CEP295: variants seen among roughly 807,000 people sequenced by gnomAD.
CEP295 encodes the protein centrosomal protein of 295 kDa.
A neutral mutation model predicts 291.6 loss-of-function variants in CEP295; 190 were observed. The observed-to-expected ratio is 0.65, with a 90% confidence interval of 0.58 to 0.73. CEP295 has a LOEUF of 0.73. Ranked by LOEUF, CEP295 falls within the 30% of genes least tolerant of loss-of-function variation. The probability of loss-of-function intolerance (pLI) is 0.00; values close to 1 mark genes in which losing one functional copy is unlikely to be tolerated. For missense variants in CEP295, 2,863 were observed against 2,949.4 expected, an observed-to-expected ratio of 0.97 and a Z score of 0.68; for synonymous variants, 993 against 1,038.8, an observed-to-expected ratio of 0.96 and a Z score of 0.85.
chr11:93,699,201 C>T lies in CEP295; in HGVS notation c.4289C>T (p.Ser1430Leu). Residue 1430 changes from serine to leucine, a missense_variant, in exon 15 of 30, where the codon TCA (serine) becomes TTA (leucine). This residue lies in a region of CEP295 where 2,295 missense variants were observed against 2,335.7 expected (regional missense o/e 0.98). Coordinates refer to ENST00000325212, the MANE Select transcript of CEP295 (RefSeq NM_033395.2). ...ATTAACAGTGATAATATAGTATCCT[C>T]AGGTCACTCAGAGATACCAACATTG... ...CSINSDNIVS[S>L]GHSEIPTLPD... The T allele has an allele frequency of 6.4e-7, 1 of 1,551,866 alleles. No individual in the cohort carries two copies. The highest frequency in any genetic ancestry group is 8.7e-7 in the Non-Finnish European group (1 of 1,147,004).
Position 93,727,384 on chromosome 11 carries a change from A to C in CEP295, c.6908A>C (p.Lys2303Thr), listed in dbSNP as rs1159569742. The C allele has an allele frequency of 1.3e-6, 2 of 1,551,568 alleles. No homozygotes were observed. The highest frequency in any genetic ancestry group is 3.9e-5 in the Admixed American group (2 of 50,974). ...LQSQGLIEDN[K>T]NETCRVLDIN... ...AGTCAAGGACTCATTGAAGATAATA[A>C]AAATGAAACCTGTAGGGTTTTAGAC... The change falls in exon 24 of 30, where the codon AAA becomes ACA. Residue 2303 changes from lysine (K) to threonine (T), a missense_variant. Coordinates refer to ENST00000325212, the MANE Select transcript of CEP295 (RefSeq NM_033395.2).
At chr11:93,715,523 T>C (rs915161791) in intron 18 of CEP295, among the ~76,000 whole-genome samples, 1 of 152,108 alleles carries the variant, frequency 6.6e-6, no homozygotes, top group African/African-American at 2.4e-5. Flanking sequence ...CAAAGTCCCC[T>C]TTATTCTTCC....
rs554629390 is a variant in CEP295, at chr11:93,676,873, A to G, written c.624+1207A>G. On this transcript the variant is annotated intron_variant, in intron 6 of 29. Coordinates refer to ENST00000325212, the MANE Select transcript of CEP295 (RefSeq NM_033395.2). ...CCTCCTTTTCAATTTTTGGACTTAA[A>G]AATTAGATCAGTAGTTATAATGATA... Among the ~76,000 whole-genome samples the G allele has an allele frequency of 6.6e-5, 10 of 152,106 alleles. No homozygotes were observed. The South Asian group carries it at 2.1e-3, about 32-fold the overall frequency.
At chr11:93,728,493 A>G (rs368908159) in intron 24 of CEP295, 188 bp from the exon 25 acceptor site, 15 of 482,710 alleles carry the variant, frequency 3.1e-5, no homozygotes, top group African/African-American at 2.6e-4. Context: ...CAGTATTTCT[A>G]CAACTGAATG....
rs779933832 is a variant in CEP295 at position 93,699,147 on chromosome 11, A to T, written c.4235A>T (p.Glu1412Val). The T allele has an allele frequency of 6.4e-7, 1 of 1,551,386 alleles. No individual in the cohort carries two copies. The highest frequency in any genetic ancestry group is 8.7e-7 in the Non-Finnish European group (1 of 1,147,098). ...QHSFASLPLN[E>V]SERNQEPCSI... is the part of the protein sequence containing the mutation. ...TCATTCGCCTCATTACCTCTTAATGAATCTGAAAGAAACCAAGAACCATGT... is the reference window on the plus strand; with the variant it reads ...TCATTCGCCTCATTACCTCTTAATGTATCTGAAAGAAACCAAGAACCATGT... Residue 1412 changes from glutamate to valine, a missense_variant, in exon 15 of 30, where the codon GAA (glutamate) becomes GTA (valine). Physicochemically the swap from Glu to Val is moderately radical, Grantham distance 121. Coordinates refer to ENST00000325212, the MANE Select transcript of CEP295 (RefSeq NM_033395.2).
chr11:93,716,246 A>T lies in CEP295; in HGVS notation c.5750-5066A>T, dbSNP rs372477293. ...CCTCCAAGGGCACTGGCAGAGTTCT[A>T]CTTGGTGCTGGCCACACTGAGTTCC... On this transcript the variant is annotated intron_variant, in intron 18 of 29. Coordinates refer to ENST00000325212, the MANE Select transcript of CEP295 (RefSeq NM_033395.2). Among the ~76,000 whole-genome samples the T allele has an allele frequency of 2.0e-5, 3 of 152,256 alleles. No homozygotes were observed. In the South Asian group the frequency reaches 6.2e-4, roughly 32 times the overall value.
chr11:93,688,175 G>A (rs1431575789), intron 10 of CEP295, among the ~76,000 whole-genome samples: 2 of 152,130 alleles, frequency 1.3e-5, no homozygotes, highest in Non-Finnish European at 2.9e-5. Context: ...CATCCTTTTA[G>A]TGAAGTCTTT....
At chr11:93,668,074 G>A (rs1347604621) in intron 3 of CEP295, among the ~76,000 whole-genome samples, 1 of 151,976 alleles carries the variant, frequency 6.6e-6, no homozygotes, top group East Asian at 1.9e-4. Context: ...CTCTATCTGG[G>A]GAAATAATAA....
rs1043260939 is a variant in CEP295, at chr11:93,667,752, T to C, written c.254T>C (p.Leu85Pro). ...CAGAAAATACAGAACTTGGAAAAAC[T>C]GTATTTGGCAAGTTTAAGAAGTATG... ...QTQKIQNLEKLYLASLRSMGE... is the reference protein window; with the variant it reads ...QTQKIQNLEKPYLASLRSMGE... The change falls in exon 3 of 30, where the codon CTG becomes CCG. Residue 85 changes from leucine (L) to proline (P), a missense_variant. Around this residue, in one of 3 missense-constraint regions of CEP295, gnomAD observed 554 missense variants for 576.0 expected, o/e 0.96. Transcript: ENST00000325212. 6.4e-7 allele frequency: 1 copy of C among 1,551,452 alleles called. No individual in the cohort carries two copies. The highest frequency in any genetic ancestry group is 8.7e-7 in the Non-Finnish European group (1 of 1,146,860).
At chr11:93,708,341 T>C (rs1002978713) in intron 18 of CEP295, among the ~76,000 whole-genome samples, 1 of 152,164 alleles carries the variant, frequency 6.6e-6, no homozygotes, top group Non-Finnish European at 1.5e-5. Context: ...TGTTCTACTC[T>C]CTATCTCCGT....
chr11:93,700,050 A>G lies in CEP295; in HGVS notation c.5138A>G (p.Gln1713Arg), dbSNP rs1296167766. Reference protein sequence around the residue: ...TQQDNLGLQKQLDLQREVLHY... With the variant: ...TQQDNLGLQKRLDLQREVLHY... ...CAAGATAACTTGGGACTTCAGAAAC[A>G]GTTGGATCTACAAAGAGAAGTTCTG... is the stretch of plus-strand genomic sequence containing the variant. The change falls in exon 15 of 30, where the codon CAG becomes CGG. Residue 1713 changes from glutamine to arginine, a missense_variant. Around this residue, in one of 3 missense-constraint regions of CEP295, gnomAD observed 2,295 missense variants for 2,335.7 expected, o/e 0.98. Coordinates refer to ENST00000325212, the MANE Select transcript of CEP295 (RefSeq NM_033395.2). 3.2e-6 allele frequency: 5 copies of G among 1,551,870 alleles called. No individual in the cohort carries two copies. The highest frequency in any genetic ancestry group is 2.4e-5 in the East Asian group (1 of 40,912).
chr11:93,684,024 A>G lies in CEP295; in HGVS notation c.1010A>G (p.Gln337Arg). The change falls in exon 9 of 30, where the codon CAG (glutamine) becomes CGG (arginine). Residue 337 changes from glutamine to arginine, a missense_variant. Transcript: ENST00000325212. ...GAGCCCTTGCCCACTGTGACTAATC[A>G]GATCCAAGATGAAGAGCTGGACCTT... ...EPEPLPTVTN[Q>R]IQDEELDLSM... is the part of the protein sequence containing the mutation. The G allele has an allele frequency of 6.4e-7, 1 of 1,551,924 alleles. No homozygotes were observed. Among genetic ancestry groups the G allele is most frequent in the Non-Finnish European group, 8.7e-7 (1 of 1,147,020 alleles).
chr11:93,706,790 T>G lies in CEP295; in HGVS notation c.5642T>G (p.Ile1881Arg). Residue 1881 changes from isoleucine to arginine, a missense_variant, in exon 18 of 30, where the codon ATA (isoleucine) becomes AGA (arginine). Physicochemically the swap from Ile to Arg is moderately conservative, Grantham distance 97. Around this residue, in one of 3 missense-constraint regions of CEP295, gnomAD observed 2,295 missense variants for 2,335.7 expected, o/e 0.98. Coordinates refer to ENST00000325212, the MANE Select transcript of CEP295 (RefSeq NM_033395.2). ...GACAGAGACCCCCTGCGAGTCTCAATAAGCCGAGAACAAAGTTTCTTTGGG... is the reference window on the plus strand; with the variant it reads ...GACAGAGACCCCCTGCGAGTCTCAAGAAGCCGAGAACAAAGTTTCTTTGGG... ...YEDRDPLRVS[I>R]SREQSFFGSP... The G allele has an allele frequency of 6.5e-7, 1 of 1,550,020 alleles. No individual in the cohort carries two copies. The highest frequency in any genetic ancestry group is 8.7e-7 in the Non-Finnish European group (1 of 1,146,186).
At position 93,667,283 on chromosome 11, in the gene CEP295, G is replaced by A. The variant is rs191765559; in HGVS notation, c.109-324G>A. On this transcript the variant is annotated intron_variant, in intron 2 of 29. Transcript: ENST00000325212. ...ATGGAGTTCTCATCTGGCTCTGTCT[G>A]TACTCTGGGCTATAGATTTTGTTGA... 1.2e-3 allele frequency among the ~76,000 whole-genome samples: 181 copies of A among 152,332 alleles called. 1 individual carries two copies. The highest frequency in any genetic ancestry group is 4.3e-3 in the African/African-American group (178 of 41,576).
intron 2 of CEP295, among the ~76,000 whole-genome samples, chr11:93,667,053 T>TA: frequency 6.6e-6 from 1 of 152,380 alleles, no homozygotes; most frequent in East Asian, 1.9e-4. Context: ...AATAGCTCTT[T>TA]ATCTTTTTTA....
At chr11:93,696,098 C>T (rs191747184) in intron 13 of CEP295, among the ~76,000 whole-genome samples, 197 of 152,194 alleles carry the variant, frequency 1.3e-3, no homozygotes, top group African/African-American at 4.4e-3. Context: ...CTATAGGATA[C>T]TAATAGATAC....
chr11:93,729,115 T>C (rs188481808), intron 25 of CEP295: 10 of 493,580 alleles, frequency 2.0e-5, no homozygotes, highest in African/African-American at 7.7e-5. Flanking sequence ...TTCCCAGATA[T>C]TGAAAAATGA....
rs1938183773 is a variant in CEP295 at position 93,729,955 on chromosome 11, C to A, written c.7653C>A (p.His2551Gln). 7 of 1,537,130 alleles carry A rather than the reference C, an allele frequency of 4.6e-6. No homozygotes were observed. Among genetic ancestry groups the A allele is most frequent in the Non-Finnish European group, 6.1e-6 (7 of 1,143,258 alleles). The change falls in exon 28 of 30, where the codon CAC (histidine) becomes CAA (glutamine). Residue 2551 changes from histidine (H) to glutamine (Q), a missense_variant. Coordinates refer to ENST00000325212, the MANE Select transcript of CEP295 (RefSeq NM_033395.2). ...GAAAGACTACACAGGCTCTAAGGCACCAAAGGGGTCTAAGGTAGGGTTAAT... is the reference window on the plus strand; with the variant it reads ...GAAAGACTACACAGGCTCTAAGGCAACAAAGGGGTCTAAGGTAGGGTTAAT... Reference protein sequence around the residue: ...EDRKTTQALRHQRGLRLYNQL... With the variant: ...EDRKTTQALRQQRGLRLYNQL...
In CEP295 at chr11:93,729,648, C is replaced by T. The variant is rs978432804; in HGVS notation, c.7434C>T (p.Ser2478=). Residue 2478 remains serine (S), a synonymous_variant, in exon 27 of 30, where the codon AGC becomes AGT. Transcript: ENST00000325212. The part of the protein sequence containing the change: ...TPRRLTPVPG[S]LQEAFIKRKK... Reference sequence around the variant, plus strand: ...GCAGGCTTACACCTGTACCAGGGAGCTTACAAGAAGCATTTATAAAGAGGA... The same window carrying T: ...GCAGGCTTACACCTGTACCAGGGAGTTTACAAGAAGCATTTATAAAGAGGA... The T allele has an allele frequency of 3.9e-5, 61 of 1,550,404 alleles. No homozygotes were observed. The highest frequency in any genetic ancestry group is 5.2e-5 in the Non-Finnish European group (60 of 1,146,718).
Sources: gnomAD v4.1 joint callset for allele counts (sites outside exome capture counted in the v4.1 genomes callset) on GRCh38, gnomAD v4.1.1 for gene constraint, gnomAD v4.1.1 regional missense constraint, MANE v1.5 for transcripts, NCBI Gene and HGNC (gene_info 2026-07-23, HGNC 2026-07-21) for gene names.